The following ST3GAL2 variants were observed in gnomAD, a reference collection of about 807,000 sequenced individuals.
ST3GAL2 encodes the protein CMP-N-acetylneuraminate-beta-galactosamide-alpha-2,3-sialyltransferase 2.
A neutral mutation model predicts 37.5 loss-of-function variants in ST3GAL2; 16 were observed. The observed-to-expected ratio is 0.43, with a 90% confidence interval of 0.29 to 0.65. ST3GAL2 has a LOEUF of 0.65. ST3GAL2 is among the 30% of genes least tolerant of loss of function. The pLI, the probability that ST3GAL2 is intolerant of heterozygous loss-of-function variation, is 0.17. For synonymous variants in ST3GAL2, 238 were observed against 202.9 expected (o/e 1.17, Z -1.47); for missense variants, 383 against 487.8 (o/e 0.79, Z 2.02).
intron 1 of ST3GAL2, among the ~76,000 whole-genome samples, chr16:70,434,786 G>A (rs11864326): frequency 0.072 from 10,931 of 152,232 alleles, 1,341 homozygotes; most frequent in African/African-American, 0.25. Flanking sequence ...CAGCCACTCC[G>A]TTGGCACTGG....
At chr16:70,412,033 A>T (rs1367832786) in intron 1 of ST3GAL2, among the ~76,000 whole-genome samples, 1 of 152,090 alleles carries the variant, frequency 6.6e-6, no homozygotes, top group Non-Finnish European at 1.5e-5. Flanking sequence ...TTACCAACAT[A>T]ATGCATCCAC....
At chr16:70,435,897 G>C (rs1400625451) in intron 1 of ST3GAL2, among the ~76,000 whole-genome samples, 1 of 151,416 alleles carries the variant, frequency 6.6e-6, no homozygotes, top group East Asian at 1.9e-4. Flanking sequence ...AAGCTGAGGC[G>C]GGCGGAGCAC....
intron 1 of ST3GAL2, chr16:70,400,540 A>C (rs2047548267): frequency 6.6e-6 from 1 of 152,298 alleles, no homozygotes; most frequent in South Asian, 2.1e-4. Context: ...GGCTGCTTCC[A>C]GCAGCTGCAT....
Position 70,376,781 on chromosome 16 carries a change from CGCT to C in ST3GAL2, c.*4905_*4907del, listed in dbSNP as rs1478842271. 2 of 151,038 alleles carry C rather than the reference CGCT, an allele frequency of 1.3e-5. No homozygotes were observed. Among genetic ancestry groups the C allele is most frequent in the East Asian group, 3.9e-4 (2 of 5,150 alleles). 9.4% of individuals were successfully genotyped at this position (151,038 alleles called of 1,614,324 possible). A position where few individuals can be genotyped will look rare whatever the true frequency, so the allele number is the denominator to read the frequency against. The stretch of plus-strand genomic sequence containing the variant: ...TTTTTGAGACGGAGTCTTACTCTGT[CGCT>C]CAGGCTGGAGTGCAGTGGCTCAATC... On this transcript the variant is annotated 3_prime_UTR_variant, in exon 7 of 7. Transcript: ENST00000342907.
At chr16:70,424,860 G>A (rs186249435) in intron 1 of ST3GAL2, among the ~76,000 whole-genome samples, 14 of 152,194 alleles carry the variant, frequency 9.2e-5, no homozygotes, top group Admixed American at 2.0e-4. Context: ...GGCCTCCTTC[G>A]TCTCAGCATC....
rs2047356517 is a variant in ST3GAL2, at chr16:70,377,331, T to G, written c.*4358A>C. On this transcript the variant is annotated 3_prime_UTR_variant, in exon 7 of 7. Coordinates refer to ENST00000342907, the MANE Select transcript of ST3GAL2 (RefSeq NM_006927.4). ...CCCCGTCTCTACTAAAAATACAAAA[T>G]TAGCCGGGCGTGGTAGTGCATGCCT... 7.5e-6 allele frequency: 1 copy of G among 134,018 alleles called. No homozygotes were observed. Among genetic ancestry groups the G allele is most frequent in the East Asian group, 2.3e-4 (1 of 4,322 alleles). 8.3% of individuals were successfully genotyped at this position (134,018 alleles called of 1,614,324 possible).
rs199861208 is a variant in ST3GAL2 at position 70,426,677 on chromosome 16, A to T, written c.-1004+12272T>A. Among the ~76,000 whole-genome samples the T allele has an allele frequency of 1.6e-4, 24 of 150,428 alleles. 1 individual carries two copies. In the East Asian group the frequency reaches 3.7e-3, roughly 23 times the overall value. On this transcript the variant is annotated intron_variant, in intron 1 of 6. Coordinates refer to ENST00000342907, the MANE Select transcript of ST3GAL2 (RefSeq NM_006927.4). ...CAGGCATGCACCACCATCCCGGCTA[A>T]TTTTGTATTTTTAGTAGAGACGGGG...
At chr16:70,413,023 T>C (rs1235066737) in intron 1 of ST3GAL2, among the ~76,000 whole-genome samples, 1 of 151,946 alleles carries the variant, frequency 6.6e-6, no homozygotes, top group Non-Finnish European at 1.5e-5. Flanking sequence ...CGGAGGCAGG[T>C]GGATCAGCTG....
intron 1 of ST3GAL2, among the ~76,000 whole-genome samples, chr16:70,421,117 G>A (rs1466012685): frequency 6.6e-6 from 1 of 152,250 alleles, no homozygotes; most frequent in African/African-American, 2.4e-5. Flanking sequence ...TGGGAGGTGG[G>A]CTGGGGAGGA....
At chr16:70,403,391 T>C (rs2047568676) in intron 1 of ST3GAL2, among the ~76,000 whole-genome samples, 1 of 152,218 alleles carries the variant, frequency 6.6e-6, no homozygotes, top group Admixed American at 6.5e-5. Flanking sequence ...AAATTTAAGA[T>C]GTCTTTTAGG....
At chr16:70,401,424 C>T (rs1597564220) in intron 1 of ST3GAL2, among the ~76,000 whole-genome samples, 1 of 152,260 alleles carries the variant, frequency 6.6e-6, no homozygotes, top group Non-Finnish European at 1.5e-5. Context: ...GAGCATCTGG[C>T]AAAGGCCCTT....
intron 1 of ST3GAL2, among the ~76,000 whole-genome samples, chr16:70,426,192 T>G (rs969033485): frequency 8.4e-5 from 12 of 142,316 alleles, no homozygotes; most frequent in Non-Finnish European, 1.5e-4. Context: ...TTTTTTTTTT[T>G]TTTTTTTTTT....
intron 2 of ST3GAL2, among the ~76,000 whole-genome samples, chr16:70,395,993 T>TA (rs1458359217): frequency 5.3e-5 from 8 of 150,206 alleles, no homozygotes; most frequent in Admixed American, 2.0e-4. Flanking sequence ...TTTTTTGAGA[T>TA]AGAGTTTCAC....
chr16:70,427,012 T>C (rs1428560736), intron 1 of ST3GAL2, among the ~76,000 whole-genome samples: 1 of 152,084 alleles, frequency 6.6e-6, no homozygotes, highest in African/African-American at 2.4e-5. Context: ...CATTCCCAGC[T>C]ACTTTTTAAA....
At chr16:70,418,470 G>C (rs889389035) in intron 1 of ST3GAL2, among the ~76,000 whole-genome samples, 3 of 152,166 alleles carry the variant, frequency 2.0e-5, no homozygotes, top group African/African-American at 7.2e-5. Flanking sequence ...CCTCTGTAAG[G>C]AGGCGGAGCT....
rs1187323858 is a variant in ST3GAL2, at chr16:70,398,596, C to T, written c.-66G>A. On this transcript the variant is annotated 5_prime_UTR_variant, in exon 2 of 7. In the 5' UTR this introduces an upstream ATG that the reference lacks. Coordinates refer to ENST00000342907, the MANE Select transcript of ST3GAL2 (RefSeq NM_006927.4). The stretch of plus-strand genomic sequence containing the variant: ...TCCCAGCCCGCTGAGGGGCCAGCCA[C>T]GGCGTAGCCTGCCTATTCTGGCACC... 11 of 1,449,814 alleles carry T rather than the reference C, an allele frequency of 7.6e-6. No homozygotes were observed. The highest frequency in any genetic ancestry group is 5.0e-5 in the East Asian group (2 of 40,332). The allele number at this position is 1,449,814 out of a possible 1,614,324, so 89.8% of individuals were successfully genotyped here.
chr16:70,389,864 G>A (rs2047471060), intron 3 of ST3GAL2, among the ~76,000 whole-genome samples: 1 of 151,726 alleles, frequency 6.6e-6, no homozygotes, highest in African/African-American at 2.4e-5. Flanking sequence ...TCGGCTCACT[G>A]GAAGCTCCGC....
rs1258669413 is a variant in ST3GAL2 at position 70,376,592 on chromosome 16, G to A, written c.*5097C>T. On this transcript the variant is annotated 3_prime_UTR_variant, in exon 7 of 7. Transcript: ENST00000342907. ...AGCTGTGATTTTTTTCACAAAAGTA[G>A]TGAGAAGGGGCATTGATTCCTAATT... is the stretch of plus-strand genomic sequence containing the variant. 1 of 152,172 alleles carries A rather than the reference G, an allele frequency of 6.6e-6. No individual in the cohort carries two copies. Among genetic ancestry groups the A allele is most frequent in the Non-Finnish European group, 1.5e-5 (1 of 68,038 alleles). The allele number at this position is 152,172 out of a possible 1,614,324, so 9.4% of individuals were successfully genotyped here.
intron 1 of ST3GAL2, among the ~76,000 whole-genome samples, chr16:70,421,676 G>A (rs1019185546): frequency 2.0e-5 from 3 of 152,166 alleles, no homozygotes; most frequent in Admixed American, 6.5e-5. Context: ...CCCAGGGCCC[G>A]CTTTCAAGCC....
Sources: gnomAD v4.1 joint callset for allele counts (sites outside exome capture counted in the v4.1 genomes callset) on GRCh38, gnomAD v4.1.1 for gene constraint, MANE v1.5 for transcripts, NCBI Gene and HGNC (gene_info 2026-07-23, HGNC 2026-07-21) for gene names.